The following IQCK variants were observed in gnomAD, a reference collection of about 807,000 sequenced individuals.
IQCK encodes the protein IQ motif containing K.
In IQCK, 29 loss-of-function variants were observed where a neutral mutation model predicts 28.1. The ratio of observed to expected loss-of-function variants is 1.03; its 90% confidence interval spans 0.77 to 1.41. The LOEUF is 1.41. IQCK is among the 40% of genes most tolerant of loss of function. The pLI is 0.00. For synonymous variants in IQCK, 113 were observed against 115.1 expected (o/e 0.98, Z 0.12); for missense variants, 359 against 314.7 (o/e 1.14, Z -1.07).
At chr16:19,738,256 G>C (rs2054783590) in intron 4 of IQCK, among the ~76,000 whole-genome samples, 1 of 152,142 alleles carries the variant, frequency 6.6e-6, no homozygotes, top group Non-Finnish European at 1.5e-5. Flanking sequence ...CTATGTCTTT[G>C]ACCAAAACCC....
chr16:19,774,326 T>C (rs555745686), intron 6 of IQCK, among the ~76,000 whole-genome samples: 3 of 151,988 alleles, frequency 2.0e-5, no homozygotes, highest in Non-Finnish European at 4.4e-5. Context: ...CCAACTATTA[T>C]TATATTTCAT....
chr16:19,846,917 G>A (rs2056421154), intron 9 of IQCK, among the ~76,000 whole-genome samples: 1 of 151,714 alleles, frequency 6.6e-6, no homozygotes, highest in Non-Finnish European at 1.5e-5. Flanking sequence ...ACACTCCCCT[G>A]CCTTTCTAAC....
At chr16:19,768,887 A>G (rs1395982907) in intron 6 of IQCK, among the ~76,000 whole-genome samples, 5 of 152,196 alleles carry the variant, frequency 3.3e-5, no homozygotes, top group Non-Finnish European at 5.9e-5. Context: ...ATTATCCTAT[A>G]GTTTCTCTGG....
chr16:19,718,812 G>A (rs556858112), intron 1 of IQCK, among the ~76,000 whole-genome samples: 2 of 152,310 alleles, frequency 1.3e-5, no homozygotes, highest in African/African-American at 4.8e-5. Context: ...TTGCTGGGGC[G>A]GGGGCCGGGG....
At chr16:19,742,340 C>T (rs866766098) in intron 4 of IQCK, among the ~76,000 whole-genome samples, 10 of 152,276 alleles carry the variant, frequency 6.6e-5, no homozygotes, top group Non-Finnish European at 1.3e-4. Context: ...TTAATTAAAT[C>T]GGATTCCCTC....
intron 9 of IQCK, among the ~76,000 whole-genome samples, chr16:19,852,492 A>G (rs1421504490): frequency 4.6e-5 from 7 of 151,974 alleles, no homozygotes; most frequent in Non-Finnish European, 1.0e-4. Flanking sequence ...TCTGACTATC[A>G]TGATAGCTGT....
intron 1 of IQCK, 66 bp from the exon 2 acceptor site, chr16:19,730,364 G>A: frequency 1.6e-6 from 2 of 1,241,878 alleles, no homozygotes; most frequent in Non-Finnish European, 1.1e-6. Flanking sequence ...TATTCAGGGA[G>A]AAGGAAATTA....
At chr16:19,772,488 A>G (rs2055332914) in intron 6 of IQCK, among the ~76,000 whole-genome samples, 1 of 152,168 alleles carries the variant, frequency 6.6e-6, no homozygotes, top group African/African-American at 2.4e-5. Flanking sequence ...GAGAATACTA[A>G]TTTCATAGTC....
intron 7 of IQCK, among the ~76,000 whole-genome samples, chr16:19,819,331 A>C (rs914742584): frequency 1.3e-5 from 2 of 152,066 alleles, no homozygotes; most frequent in African/African-American, 4.8e-5. Context: ...CGTCTCTACT[A>C]AAAATACAAA....
At chr16:19,740,394 T>G (rs547386632) in intron 4 of IQCK, among the ~76,000 whole-genome samples, 7 of 152,270 alleles carry the variant, frequency 4.6e-5, no homozygotes, top group Non-Finnish European at 1.0e-4. Context: ...TGTGGCTGAA[T>G]GGAAGGGGAG....
intron 1 of IQCK, among the ~76,000 whole-genome samples, chr16:19,722,258 G>A (rs1206473985): frequency 6.6e-6 from 1 of 152,102 alleles, no homozygotes; most frequent in East Asian, 1.9e-4. Flanking sequence ...GAGTGGGGAG[G>A]GAGTCTGCTA....
chr16:19,778,983 A>G (rs1245974631), intron 6 of IQCK, among the ~76,000 whole-genome samples: 3 of 152,166 alleles, frequency 2.0e-5, no homozygotes, highest in Non-Finnish European at 4.4e-5. Flanking sequence ...TTAAAACAAC[A>G]CACACAATTT....
At chr16:19,828,491 G>T (rs1190059034), downstream of IQCK, among the ~76,000 whole-genome samples, 1 of 151,534 alleles carries the variant, frequency 6.6e-6, no homozygotes, top group Non-Finnish European at 1.5e-5. Flanking sequence ...GCCCGCCTTG[G>T]CCTCCCAAAG....
intron 4 of IQCK, among the ~76,000 whole-genome samples, chr16:19,757,456 T>G (rs2055069364): frequency 6.6e-6 from 1 of 152,210 alleles, no homozygotes; most frequent in South Asian, 2.1e-4. Flanking sequence ...GTAGATCACT[T>G]GAGGCCAGCA....
intron 6 of IQCK, among the ~76,000 whole-genome samples, chr16:19,786,746 G>C (rs2055567126): frequency 7.8e-6 from 1 of 128,694 alleles, no homozygotes. Context: ...AGAACGGAAA[G>C]AAAGGGGAAA....
chr16:19,727,777 C>T (rs1977707000), intron 1 of IQCK, among the ~76,000 whole-genome samples: 1 of 151,892 alleles, frequency 6.6e-6, no homozygotes, highest in African/African-American at 2.4e-5. Flanking sequence ...ATTTTAAACC[C>T]AAATAAACAA....
chr16:19,843,008 C>G (rs574059446), intron 9 of IQCK, among the ~76,000 whole-genome samples: 1 of 152,098 alleles, frequency 6.6e-6, no homozygotes, highest in African/African-American at 2.4e-5. Flanking sequence ...TAAGTTTTAT[C>G]AGCTTTGTTG....
intron 9 of IQCK, among the ~76,000 whole-genome samples, chr16:19,833,825 T>C (rs932934388): frequency 2.0e-5 from 3 of 152,132 alleles, no homozygotes; most frequent in Non-Finnish European, 2.9e-5. Context: ...GAGGCTGTGG[T>C]CACAGCTGTA....
chr16:19,830,229 A>G (rs939263524), downstream of IQCK, among the ~76,000 whole-genome samples: 1 of 152,192 alleles, frequency 6.6e-6, no homozygotes, highest in African/African-American at 2.4e-5. Context: ...TCAAAACTGG[A>G]AGGCAATCAG....
Sources: allele counts gnomAD v4.1 joint callset (sites outside exome capture counted in the v4.1 genomes callset), GRCh38; gene constraint gnomAD v4.1.1; transcripts MANE v1.5; gene names NCBI Gene and HGNC (gene_info 2026-07-23, HGNC 2026-07-21).